Variants in NRXN3 observed in about 807,000 individuals in gnomAD.
NRXN3 encodes neurexin 3.
In NRXN3, 32 loss-of-function variants were observed where a neutral mutation model predicts 137.6. The ratio of observed to expected loss-of-function variants is 0.23; its 90% CI spans 0.18 to 0.31. The LOEUF (loss-of-function observed/expected upper bound fraction) is 0.31. Ranked by LOEUF, NRXN3 falls within the 10% of genes least tolerant of loss-of-function variation. The probability of loss-of-function intolerance (pLI) is 1.00; values close to 1 mark genes in which losing one functional copy is unlikely to be tolerated. For missense variants in NRXN3, 1,574 were observed against 2,062.5 expected (o/e 0.76, Z 4.59); for synonymous variants, 798 against 784.5 (o/e 1.02, Z -0.29).
At chr14:79,304,643 T>G (rs1032340028) in intron 15 of NRXN3, among the ~76,000 whole-genome samples, 1 of 152,028 alleles carries the variant, frequency 6.6e-6, no homozygotes, top group Non-Finnish European at 1.5e-5. Context: ...TAATTATAAG[T>G]GTGATTGGTT....
intron 15 of NRXN3, among the ~76,000 whole-genome samples, chr14:79,246,426 G>A (rs2075196055): frequency 6.6e-6 from 1 of 152,136 alleles, no homozygotes; most frequent in Admixed American, 6.5e-5. Flanking sequence ...CATTGACTCT[G>A]TCCGAGGTTC....
At chr14:78,301,536 T>A (rs1482329818) in intron 4 of NRXN3, among the ~76,000 whole-genome samples, 1 of 151,798 alleles carries the variant, frequency 6.6e-6, no homozygotes, top group Non-Finnish European at 1.5e-5. Context: ...TGTTCAGGAG[T>A]GAAGGGAGAG....
chr14:79,649,851 T>C (rs2098467836), intron 16 of NRXN3, among the ~76,000 whole-genome samples: 1 of 152,214 alleles, frequency 6.6e-6, no homozygotes, highest in Non-Finnish European at 1.5e-5. Flanking sequence ...TATAACAGAA[T>C]GGCATAGATT....
intron 17 of NRXN3, among the ~76,000 whole-genome samples, chr14:79,685,705 G>T (rs867093807): frequency 2.0e-5 from 3 of 152,208 alleles, no homozygotes; most frequent in Admixed American, 2.0e-4. Flanking sequence ...GCTTCAGGAA[G>T]TGAGTTACAA....
chr14:78,208,863 G>A (rs1242399873), intron 1 of NRXN3, among the ~76,000 whole-genome samples: 2 of 152,334 alleles, frequency 1.3e-5, no homozygotes, highest in Non-Finnish European at 2.9e-5. Flanking sequence ...GCCATTATGT[G>A]CTATTTAATT....
chr14:78,447,344 G>A (rs1038567890), intron 4 of NRXN3, among the ~76,000 whole-genome samples: 1 of 152,208 alleles, frequency 6.6e-6, no homozygotes, highest in Non-Finnish European at 1.5e-5. Flanking sequence ...CATACATTTT[G>A]ACTGTATCGT....
intron 8 of NRXN3, among the ~76,000 whole-genome samples, chr14:78,727,471 G>A (rs112624378): frequency 2.6e-5 from 4 of 152,104 alleles, no homozygotes; most frequent in African/African-American, 7.2e-5. Flanking sequence ...GGCCAGGCAC[G>A]GTGGCTCACG....
chr14:78,324,163 T>A (rs2079748540), intron 4 of NRXN3, among the ~76,000 whole-genome samples: 6 of 152,078 alleles, frequency 3.9e-5, no homozygotes, highest in Admixed American at 3.3e-4. Context: ...GCCTTCAACC[T>A]CTTGGAGCCT....
intron 16 of NRXN3, among the ~76,000 whole-genome samples, chr14:79,511,611 G>C (rs187675127): frequency 1.3e-5 from 2 of 152,248 alleles, no homozygotes; most frequent in African/African-American, 4.8e-5. Context: ...ATCTCTCTCA[G>C]TCTGACCATT....
At chr14:79,284,999 C>T (rs2153450596) in intron 15 of NRXN3, among the ~76,000 whole-genome samples, 1 of 152,212 alleles carries the variant, frequency 6.6e-6, no homozygotes, top group East Asian at 1.9e-4. Flanking sequence ...TGTTTTTCTT[C>T]TTTAAAATTC....
chr14:78,419,464 C>A (rs2093327112), intron 4 of NRXN3, among the ~76,000 whole-genome samples: 1 of 152,132 alleles, frequency 6.6e-6, no homozygotes, highest in African/African-American at 2.4e-5. Context: ...CTCGGCCTCC[C>A]TGAGTTCTGG....
chr14:78,269,492 G>A (rs2072359123), intron 2 of NRXN3, among the ~76,000 whole-genome samples: 1 of 152,196 alleles, frequency 6.6e-6, no homozygotes, highest in Non-Finnish European at 1.5e-5. Flanking sequence ...AATTTTGCAA[G>A]ATGGAAAGTG....
intron 19 of NRXN3, among the ~76,000 whole-genome samples, chr14:79,783,855 T>G (rs1244367542): frequency 1.3e-5 from 2 of 152,192 alleles, no homozygotes; most frequent in Non-Finnish European, 2.9e-5. Flanking sequence ...CCTTTTTGAT[T>G]TTGCCTCTTT....
intron 15 of NRXN3, among the ~76,000 whole-genome samples, chr14:79,083,568 G>T (rs748376191): frequency 6.6e-6 from 1 of 152,188 alleles, no homozygotes; most frequent in Non-Finnish European, 1.5e-5. Flanking sequence ...GTGTGCAAGT[G>T]GGGGACCCAG....
intron 8 of NRXN3, among the ~76,000 whole-genome samples, chr14:78,765,523 A>G (rs2098706123): frequency 1.3e-5 from 2 of 152,132 alleles, no homozygotes; most frequent in African/African-American, 4.8e-5. Context: ...TTTCACAGGC[A>G]GACTTCATAG....
intron 8 of NRXN3, among the ~76,000 whole-genome samples, chr14:78,747,874 C>T (rs1203446518): frequency 1.3e-5 from 2 of 152,118 alleles, no homozygotes; most frequent in Non-Finnish European, 2.9e-5. Context: ...ATGCCTTGAT[C>T]TAAAGCTTTT....
At chr14:78,218,669 G>T (rs2063533149) in intron 1 of NRXN3, among the ~76,000 whole-genome samples, 1 of 152,188 alleles carries the variant, frequency 6.6e-6, no homozygotes, top group Non-Finnish European at 1.5e-5. Context: ...CATCTGTAAG[G>T]CAGGGCCTTC....
intron 4 of NRXN3, among the ~76,000 whole-genome samples, chr14:78,416,822 C>G (rs970725061): frequency 1.6e-4 from 25 of 152,264 alleles, no homozygotes; most frequent in African/African-American, 4.3e-4. Flanking sequence ...TAGCTCAATT[C>G]AGAGACACCT....
At position 78,763,663 on chromosome 14, in the gene NRXN3, C is replaced by A. The variant is rs141740184; in HGVS notation, c.2045-39957C>A. Among the ~76,000 whole-genome samples, 488 of 152,160 alleles carry A rather than the reference C, an allele frequency of 3.2e-3. 2 individuals are homozygous for A. The highest frequency in any genetic ancestry group is 0.011 in the African/African-American group (461 of 41,508). On this transcript the variant is annotated intron_variant, in intron 8 of 20. Coordinates refer to ENST00000335750, the MANE Select transcript of NRXN3 (RefSeq NM_001330195.2). ...AGGCCCAGATGGAGGATATAGAGTTCTTTTAATGACAAGGATGCAGAAACA... is the reference window on the plus strand; with the variant it reads ...AGGCCCAGATGGAGGATATAGAGTTATTTTAATGACAAGGATGCAGAAACA...
Sources: gnomAD v4.1 joint callset for allele counts (sites outside exome capture counted in the v4.1 genomes callset) on GRCh38, gnomAD v4.1.1 for gene constraint, MANE v1.5 for transcripts, NCBI Gene and HGNC (gene_info 2026-07-23, HGNC 2026-07-21) for gene names.